SORL1: variants seen among roughly 807,000 people sequenced by gnomAD.
The protein encoded by SORL1 is sortilin-related receptor.
A neutral mutation model predicts 273.7 loss-of-function variants in SORL1; 127 were observed. The observed-to-expected ratio is 0.46, with a 90% CI of 0.40 to 0.54. SORL1 has a LOEUF of 0.54. Among genes scored for constraint, SORL1 ranks in the 20% least tolerant of loss-of-function variants. The pLI, the probability that SORL1 is intolerant of heterozygous loss-of-function variation, is 0.00. For synonymous variants in SORL1, 1,031 were observed against 1,067.4 expected (o/e 0.97, Z 0.66); for missense variants, 2,494 against 2,846.1 (o/e 0.88, Z 2.81).
At chr11:121,593,456 C>G (rs1863246019) in intron 31 of SORL1, among the ~76,000 whole-genome samples, 1 of 152,222 alleles carries the variant, frequency 6.6e-6, no homozygotes, top group Non-Finnish European at 1.5e-5. Context: ...TGGAGATACT[C>G]CTTCTAACAA....
At chr11:121,569,286 C>T (rs933825575) in intron 22 of SORL1, among the ~76,000 whole-genome samples, 27 of 152,212 alleles carry the variant, frequency 1.8e-4, no homozygotes, top group African/African-American at 6.5e-4. Flanking sequence ...TGTGTTTGAA[C>T]AATATGAAAT....
chr11:121,591,449 T>C (rs1335723865), intron 31 of SORL1, among the ~76,000 whole-genome samples: 3 of 152,248 alleles, frequency 2.0e-5, no homozygotes, highest in Admixed American at 2.0e-4. Context: ...AGGCTATGGT[T>C]ATGCCACCTT....
intron 20 of SORL1, 140 bp downstream of exon 20, chr11:121,558,977 A>G: frequency 8.9e-7 from 1 of 1,117,698 alleles, no homozygotes; most frequent in Non-Finnish European, 1.3e-6. Flanking sequence ...GAGATAACTT[A>G]TTTTCAGCCT....
At chr11:121,528,439 A>G (rs1364034690) in intron 11 of SORL1, among the ~76,000 whole-genome samples, 1 of 152,244 alleles carries the variant, frequency 6.6e-6, no homozygotes, top group African/African-American at 2.4e-5. Flanking sequence ...AGCCTGGGTG[A>G]CAGAGCAAGA....
chr11:121,613,216 G>A (rs1269473527), intron 40 of SORL1, among the ~76,000 whole-genome samples: 1 of 152,224 alleles, frequency 6.6e-6, no homozygotes, highest in East Asian at 1.9e-4. Context: ...GCTAATGAGA[G>A]ACAGCAGAAG....
At chr11:121,518,727 T>C (rs190076385) in intron 8 of SORL1, among the ~76,000 whole-genome samples, 39 of 152,288 alleles carry the variant, frequency 2.6e-4, no homozygotes, top group Non-Finnish European at 5.0e-4. Flanking sequence ...GGCACTCTGC[T>C]CAGTCCCTCA....
chr11:121,570,074 A>G, intron 22 of SORL1, 83 bp from the exon 23 acceptor site: 1 of 825,068 alleles, frequency 1.2e-6, no homozygotes. Flanking sequence ...AAAGGGAGGG[A>G]AACTCAAAAG....
intron 12 of SORL1, among the ~76,000 whole-genome samples, chr11:121,533,678 G>A (rs769188765): frequency 1.3e-5 from 2 of 152,166 alleles, no homozygotes; most frequent in African/African-American, 4.8e-5. Flanking sequence ...TTTTAGAAAC[G>A]GGGCCAGCAG....
At position 121,563,688 on chromosome 11, in the gene SORL1, T is replaced by G. The variant is rs1302706017; in HGVS notation, c.3050-3252T>G. ...TAGGATTTACAGGTGTGAGCCACTG[T>G]GTCTGGCCACTAGCTGGTTTTTAAA... On this transcript the variant is annotated intron_variant, in intron 21 of 47. Coordinates refer to ENST00000260197, the MANE Select transcript of SORL1 (RefSeq NM_003105.6). The surrounding 1 kb of genome is among the most constrained non-coding windows in gnomAD (Gnocchi z 4.2). Among the ~76,000 whole-genome samples, 1 of 152,218 alleles carries G rather than the reference T, an allele frequency of 6.6e-6. No individual in the cohort carries two copies. Among genetic ancestry groups the G allele is most frequent in the Non-Finnish European group, 1.5e-5 (1 of 68,036 alleles).
At chr11:121,491,594 C>T (rs1201408023) in intron 5 of SORL1, among the ~76,000 whole-genome samples, 2 of 152,200 alleles carry the variant, frequency 1.3e-5, no homozygotes, top group Non-Finnish European at 2.9e-5. Flanking sequence ...AGGCCAAAAT[C>T]TTTGGAGTCA....
At chr11:121,479,889 CT>C (rs1206316722) in intron 3 of SORL1, among the ~76,000 whole-genome samples, 1 of 152,156 alleles carries the variant, frequency 6.6e-6, no homozygotes, top group Admixed American at 6.5e-5. Context: ...ATTTTTCCCC[CT>C]GAGATGAAAA....
intron 11 of SORL1, among the ~76,000 whole-genome samples, chr11:121,526,996 C>T (rs1862132772): frequency 6.6e-6 from 1 of 151,848 alleles, no homozygotes; most frequent in Admixed American, 6.6e-5. Context: ...TCCATTTTCT[C>T]CCTTCTGATT....
intron 5 of SORL1, among the ~76,000 whole-genome samples, chr11:121,494,325 C>T (rs373851870): frequency 2.0e-5 from 3 of 152,104 alleles, no homozygotes; most frequent in South Asian, 2.1e-4. Flanking sequence ...TAAGTGAAAG[C>T]GTAATCTAGT....
intron 40 of SORL1, 30 bp downstream of exon 40, chr11:121,612,862 G>A (rs1214546395): frequency 6.6e-7 from 1 of 1,505,608 alleles, no homozygotes; most frequent in African/African-American, 1.4e-5. Flanking sequence ...CAGTGTGTGT[G>A]CAGGAAGGGG....
chr11:121,561,965 T>C (rs1862682858), intron 21 of SORL1, among the ~76,000 whole-genome samples: 1 of 152,162 alleles, frequency 6.6e-6, no homozygotes, highest in Admixed American at 6.5e-5. Context: ...TTTGCAGTGG[T>C]GTCTGGCTGT....
At chr11:121,543,190 CA>C (rs1161250662) in intron 12 of SORL1, among the ~76,000 whole-genome samples, 3 of 136,582 alleles carry the variant, frequency 2.2e-5, no homozygotes, top group Admixed American at 1.5e-4. Context: ...GACTCCATCT[CA>C]AAAAAAAAGA....
At chr11:121,503,030 C>T (rs1234063521) in intron 6 of SORL1, among the ~76,000 whole-genome samples, 4 of 151,942 alleles carry the variant, frequency 2.6e-5, no homozygotes, top group Admixed American at 6.6e-5. Context: ...GCCACCATAC[C>T]TGTTAATTTT....
At chr11:121,509,114 ATT>A (rs558402196) in intron 6 of SORL1, among the ~76,000 whole-genome samples, 10 of 139,884 alleles carry the variant, frequency 7.1e-5, no homozygotes, top group Non-Finnish European at 9.4e-5. Flanking sequence ...TTCATTTATG[ATT>A]TTTTTTTTTT....
intron 32 of SORL1, among the ~76,000 whole-genome samples, chr11:121,597,464 T>G (rs1354418179): frequency 1.3e-5 from 2 of 151,854 alleles, no homozygotes; most frequent in Non-Finnish European, 1.5e-5. Context: ...TTGTTTTTTT[T>G]TTTTTTCTTT....
Sources: gnomAD v4.1 joint callset for allele counts (sites outside exome capture counted in the v4.1 genomes callset) on GRCh38, gnomAD v4.1.1 for gene constraint, Gnocchi (gnomAD v3.1) non-coding constraint, MANE v1.5 for transcripts, NCBI Gene and HGNC (gene_info 2026-07-23, HGNC 2026-07-21) for gene names.